The following ZFHX3 variants were observed in gnomAD, a reference collection of about 807,000 sequenced individuals.
ZFHX3 encodes the protein zinc finger homeobox 3, also known as zinc finger homeobox protein 3.
ZFHX3 carries 42 observed loss-of-function variants against 279.1 expected under a neutral mutation model. That is an observed-to-expected ratio of 0.15 (90% CI 0.12 to 0.19). The LOEUF (loss-of-function observed/expected upper bound fraction) is 0.19. ZFHX3 is among the 10% of genes least tolerant of loss of function. The pLI is 1.00. For synonymous variants in ZFHX3, 2,293 were observed against 1,957.8 expected (o/e 1.17, Z -4.52); for missense variants, 4,981 against 4,754.0 (o/e 1.05, Z -1.40).
chr16:73,278,756 A>T (rs1054599866), intron 4 of ZFHX3, among the ~76,000 whole-genome samples: 3 of 152,076 alleles, frequency 2.0e-5, no homozygotes, highest in African/African-American at 7.2e-5. Flanking sequence ...CAGGGCACTG[A>T]TAGGTGCGTT....
intron 7 of ZFHX3, among the ~76,000 whole-genome samples, chr16:73,104,158 C>A (rs1236469482): frequency 1.3e-5 from 2 of 152,152 alleles, no homozygotes; most frequent in Non-Finnish European, 2.9e-5. Context: ...CCACAATCAT[C>A]CAGTAACTGA....
At chr16:72,807,192 G>A (rs1170666075) in intron 7 of ZFHX3, 1 of 152,216 alleles carries the variant, frequency 6.6e-6, no homozygotes, top group Admixed American at 6.5e-5. Flanking sequence ...TTTGTAAATA[G>A]GTGAGAGTTC....
intron 5 of ZFHX3, among the ~76,000 whole-genome samples, chr16:72,820,701 G>A (rs1448359250): frequency 2.0e-5 from 3 of 152,148 alleles, no homozygotes; most frequent in Non-Finnish European, 1.5e-5. Context: ...ATCTTGTGAG[G>A]ATGGGTGGCC....
chr16:73,622,565 AAAAGAAAG>A (rs143963139), intron 2 of ZFHX3, among the ~76,000 whole-genome samples: 284 of 151,404 alleles, frequency 1.9e-3, no homozygotes, highest in African/African-American at 6.6e-3. Context: ...CTGTCTCCAA[AAAAGAAAG>A]AAAGAAAGAA....
chr16:73,369,712 A>G (rs1046582161), intron 3 of ZFHX3, among the ~76,000 whole-genome samples: 2 of 152,174 alleles, frequency 1.3e-5, no homozygotes, highest in African/African-American at 4.8e-5. Flanking sequence ...GAAGATTTGG[A>G]TCAGGAGGGC....
chr16:73,198,114 T>G (rs1175846646), intron 5 of ZFHX3, among the ~76,000 whole-genome samples: 1 of 151,782 alleles, frequency 6.6e-6, no homozygotes, highest in Admixed American at 6.6e-5. Context: ...ATTTTTTGTA[T>G]TTTTAGTAGA....
intron 1 of ZFHX3, among the ~76,000 whole-genome samples, chr16:73,842,747 G>T (rs1252896127): frequency 3.3e-5 from 5 of 152,098 alleles, no homozygotes; most frequent in African/African-American, 1.2e-4. Flanking sequence ...GAGGTTCCAG[G>T]GTAGGGGCTG....
intron 3 of ZFHX3, among the ~76,000 whole-genome samples, chr16:73,342,402 G>A (rs2016049728): frequency 6.6e-6 from 1 of 152,168 alleles, no homozygotes; most frequent in Non-Finnish European, 1.5e-5. Flanking sequence ...GTTCACAATG[G>A]AGATATTGGA....
chr16:73,223,428 C>T (rs2030447273), intron 5 of ZFHX3, among the ~76,000 whole-genome samples: 1 of 152,044 alleles, frequency 6.6e-6, no homozygotes, highest in African/African-American at 2.4e-5. Flanking sequence ...AGACGCCTCA[C>T]CAAAGAAGAT....
At chr16:72,882,051 C>A (rs1421567419) in intron 4 of ZFHX3, among the ~76,000 whole-genome samples, 1 of 152,124 alleles carries the variant, frequency 6.6e-6, no homozygotes, top group African/African-American at 2.4e-5. Flanking sequence ...ACGGGGGTCT[C>A]TGGCATACTC....
At chr16:73,351,146 C>T (rs2016234066) in intron 3 of ZFHX3, among the ~76,000 whole-genome samples, 1 of 152,134 alleles carries the variant, frequency 6.6e-6, no homozygotes, top group Admixed American at 6.5e-5. Context: ...GGGAAAAAAC[C>T]CAAGAGTAGC....
At chr16:73,119,034 G>GAAAA (rs1966464342) in intron 7 of ZFHX3, among the ~76,000 whole-genome samples, 1 of 152,060 alleles carries the variant, frequency 6.6e-6, no homozygotes. Flanking sequence ...GTCCTGGGAT[G>GAAAA]GTACTATCAT....
At chr16:73,217,769 C>T (rs73597337) in intron 5 of ZFHX3, among the ~76,000 whole-genome samples, 3,098 of 152,080 alleles carry the variant, frequency 0.02, 68 homozygotes, top group African/African-American at 0.06. Flanking sequence ...TTTTTTTCTA[C>T]CCAAGGCACA....
chr16:72,796,189 C>T lies in ZFHX3; in HGVS notation c.6493G>A (p.Asp2165Asn). 1.2e-6 allele frequency: 2 copies of T among 1,614,104 alleles called. No homozygotes were observed. The highest frequency in any genetic ancestry group is 2.2e-5 in the East Asian group (1 of 44,862). Residue 2165 changes from aspartate (D) to asparagine (N), a missense_variant, in exon 9 of 10, where the codon GAC (aspartate) becomes AAC (asparagine). Physicochemically the swap from Asp to Asn is conservative, Grantham distance 23 (BLOSUM62 1). This residue lies in a region of ZFHX3 where 177 missense variants were observed against 244.2 expected (regional missense o/e 0.72). Transcript: ENST00000268489. The stretch of plus-strand genomic sequence containing the variant: ...TCTTCACTGGGGGAGTTGTTAATGT[C>T]AAAATATTGCCGCAAGACTCGGAGC... ...DQLRVLRQYFDINNSPSEEQI... is the reference protein window; with the variant it reads ...DQLRVLRQYFNINNSPSEEQI...
chr16:73,546,035 A>G (rs1385019859), intron 2 of ZFHX3, among the ~76,000 whole-genome samples: 1 of 152,208 alleles, frequency 6.6e-6, no homozygotes, highest in Non-Finnish European at 1.5e-5. Context: ...TGGCAATTTT[A>G]TGAATCCTAA....
chr16:72,809,447 G>A (rs1184055045), intron 7 of ZFHX3: 5 of 152,256 alleles, frequency 3.3e-5, no homozygotes, highest in Non-Finnish European at 7.3e-5. Flanking sequence ...GAAACCCACT[G>A]GTCCACAGAA....
intron 4 of ZFHX3, among the ~76,000 whole-genome samples, chr16:73,311,617 T>G (rs1202397904): frequency 1.7e-5 from 2 of 120,436 alleles, no homozygotes; most frequent in East Asian, 2.4e-4. Flanking sequence ...AAAAAAGAAG[T>G]CACCAAAAGG....
intron 2 of ZFHX3, among the ~76,000 whole-genome samples, chr16:73,498,504 C>T (rs893208786): frequency 2.0e-5 from 3 of 152,148 alleles, no homozygotes. Flanking sequence ...GACCTGGAAC[C>T]TTGGCCCCTG....
chr16:73,728,402 G>A (rs998064809), intron 1 of ZFHX3, among the ~76,000 whole-genome samples: 3 of 152,092 alleles, frequency 2.0e-5, no homozygotes, highest in Non-Finnish European at 4.4e-5. Flanking sequence ...TAATATAATC[G>A]CAATTGCCAC....
Sources: allele counts gnomAD v4.1 joint callset (sites outside exome capture counted in the v4.1 genomes callset), GRCh38; gene constraint gnomAD v4.1.1; regional missense constraint gnomAD v4.1.1; transcripts MANE v1.5; gene names NCBI Gene and HGNC (gene_info 2026-07-23, HGNC 2026-07-21).